The following CCDC102B variants were observed in gnomAD, a reference collection of about 807,000 sequenced individuals.
The protein encoded by CCDC102B is coiled-coil domain-containing protein 102B.
CCDC102B carries 75 observed loss-of-function variants against 57.4 expected under a neutral mutation model. The observed-to-expected ratio is 1.31, with a 90% CI of 1.08 to 1.58. The LOEUF is 1.58. Ranked by LOEUF, CCDC102B falls within the 40% of genes most tolerant of loss-of-function variation. The pLI is 0.00. For synonymous variants in CCDC102B, 206 were observed against 201.9 expected, an observed-to-expected ratio of 1.02 and a Z score of -0.17; for missense variants, 636 against 582.6, an observed-to-expected ratio of 1.09 and a Z score of -0.94.
intron 6 of CCDC102B, among the ~76,000 whole-genome samples, chr18:68,974,183 G>T (rs1332007660): frequency 6.6e-6 from 1 of 152,008 alleles, no homozygotes; most frequent in South Asian, 2.1e-4. Context: ...AGCTATTCAG[G>T]TCATGAGAGT....
chr18:68,732,432 G>A (rs374520748), intron 2 of CCDC102B, among the ~76,000 whole-genome samples: 163 of 151,020 alleles, frequency 1.1e-3, no homozygotes, highest in African/African-American at 3.8e-3. Context: ...TGCAACCTCC[G>A]CCTCCCAAGT....
intron 4 of CCDC102B, among the ~76,000 whole-genome samples, chr18:68,870,170 G>T (rs1156399762): frequency 1.3e-5 from 2 of 151,988 alleles, no homozygotes; most frequent in Non-Finnish European, 2.9e-5. Context: ...ACAGGGAGGG[G>T]AACATCACAC....
intron 6 of CCDC102B, among the ~76,000 whole-genome samples, chr18:68,956,530 T>TAAAA (rs1491274598): frequency 6.9e-4 from 6 of 8,648 alleles, no homozygotes; most frequent in East Asian, 0.016. Flanking sequence ...ATTATATATA[T>TAAAA]TATATATTTT....
intron 4 of CCDC102B, chr18:68,866,618 C>G (rs544374778): frequency 1.3e-5 from 4 of 312,484 alleles, no homozygotes. Context: ...GAACCTTAGT[C>G]AAAAAAGAGA....
chr18:69,034,807 A>G (rs908406636), intron 7 of CCDC102B, among the ~76,000 whole-genome samples: 1 of 151,856 alleles, frequency 6.6e-6, no homozygotes, highest in South Asian at 2.1e-4. Context: ...ACATATTTAT[A>G]TGTATATTTA....
At chr18:68,750,850 A>G (rs1017255556) in intron 2 of CCDC102B, among the ~76,000 whole-genome samples, 5 of 151,676 alleles carry the variant, frequency 3.3e-5, no homozygotes, top group Admixed American at 2.0e-4. Context: ...CCTAATGTAA[A>G]TGATGGGTTA....
chr18:68,995,673 G>T (rs1223301753), intron 6 of CCDC102B, among the ~76,000 whole-genome samples: 1 of 152,116 alleles, frequency 6.6e-6, no homozygotes, highest in Non-Finnish European at 1.5e-5. Flanking sequence ...CCAAGCAGAA[G>T]TTTGCTGCAG....
intron 6 of CCDC102B, among the ~76,000 whole-genome samples, chr18:68,998,995 T>C (rs547804059): frequency 7.1e-5 from 3 of 42,532 alleles, no homozygotes; most frequent in African/African-American, 1.6e-4. Context: ...TATATATATA[T>C]ATATAGAGAG....
chr18:68,856,366 C>T (rs575035454), intron 4 of CCDC102B, among the ~76,000 whole-genome samples: 230 of 152,274 alleles, frequency 1.5e-3, no homozygotes, highest in Middle Eastern at 0.01. Flanking sequence ...TCCTAGCTCA[C>T]GGAAGCTGTA....
At chr18:69,032,766 A>T (rs901458118) in intron 7 of CCDC102B, among the ~76,000 whole-genome samples, 1 of 152,094 alleles carries the variant, frequency 6.6e-6, no homozygotes, top group African/African-American at 2.4e-5. Context: ...TGCAGTTGCT[A>T]TAGTACTCTG....
intron 5 of CCDC102B, among the ~76,000 whole-genome samples, chr18:68,876,221 C>T (rs535185856): frequency 3.9e-5 from 6 of 152,202 alleles, no homozygotes; most frequent in Admixed American, 3.3e-4. Context: ...TTTAGTTCTG[C>T]GAATATTGTA....
intron 1 of CCDC102B, among the ~76,000 whole-genome samples, chr18:68,811,557 G>C (rs769319733): frequency 2.6e-5 from 4 of 152,300 alleles, no homozygotes; most frequent in South Asian, 2.1e-4. Context: ...AGAGGTTGCA[G>C]TGAGCCAAGT....
intron 6 of CCDC102B, among the ~76,000 whole-genome samples, chr18:68,971,231 T>C (rs2050294089): frequency 6.6e-6 from 1 of 152,080 alleles, no homozygotes; most frequent in South Asian, 2.1e-4. Context: ...CTTGCAAAAA[T>C]ATTTTGAAAT....
intron 6 of CCDC102B, among the ~76,000 whole-genome samples, chr18:69,002,050 C>G (rs974746187): frequency 2.0e-5 from 3 of 152,110 alleles, no homozygotes. Flanking sequence ...GCATGTGACA[C>G]AACTTTAGCC....
intron 6 of CCDC102B, among the ~76,000 whole-genome samples, chr18:68,949,155 G>A (rs1312573313): frequency 6.6e-6 from 1 of 152,026 alleles, no homozygotes; most frequent in Non-Finnish European, 1.5e-5. Context: ...CCAGATTGAG[G>A]GTGGGTCTGC....
At chr18:68,841,763 C>A (rs748894993) in intron 3 of CCDC102B, among the ~76,000 whole-genome samples, 8 of 152,016 alleles carry the variant, frequency 5.3e-5, no homozygotes, top group Non-Finnish European at 2.9e-5. Flanking sequence ...GAGACAGTCT[C>A]GCTCTGTTGC....
At chr18:68,876,203 A>G (rs952409598) in intron 5 of CCDC102B, among the ~76,000 whole-genome samples, 2 of 152,218 alleles carry the variant, frequency 1.3e-5, no homozygotes, top group East Asian at 1.9e-4. Flanking sequence ...TTTATTTAAT[A>G]TTTAATCTTT....
At chr18:68,938,133 A>G (rs1181328128) in intron 6 of CCDC102B, among the ~76,000 whole-genome samples, 1 of 152,016 alleles carries the variant, frequency 6.6e-6, no homozygotes, top group Non-Finnish European at 1.5e-5. Flanking sequence ...AATTTATACA[A>G]TTGAGACAAT....
intron 4 of CCDC102B, among the ~76,000 whole-genome samples, chr18:68,849,798 A>G (rs2038041926): frequency 6.6e-6 from 1 of 152,112 alleles, no homozygotes. Flanking sequence ...CCTAAATTCC[A>G]GTAAGTAATA....
Sources: gnomAD v4.1 joint callset for allele counts (sites outside exome capture counted in the v4.1 genomes callset) on GRCh38, gnomAD v4.1.1 for gene constraint, MANE v1.5 for transcripts, NCBI Gene and HGNC (gene_info 2026-07-23, HGNC 2026-07-21) for gene names.